Variants in PYROXD2 observed in about 807,000 individuals in gnomAD.
PYROXD2 encodes pyridine nucleotide-disulphide oxidoreductase domain 2.
Under a neutral mutation model 71.1 loss-of-function variants are expected in PYROXD2, and 69 were observed. The ratio of observed to expected loss-of-function variants is 0.97; its 90% CI spans 0.80 to 1.19. The LOEUF (loss-of-function observed/expected upper bound fraction) is 1.19, where lower values mean the gene tolerates loss of function less well. PYROXD2 is among the 50% of genes most tolerant of loss of function. The pLI, the probability that PYROXD2 is intolerant of heterozygous loss-of-function variation, is 0.00. For missense variants in PYROXD2, 745 were observed against 748.9 expected (o/e 0.99, Z 0.06); for synonymous variants, 287 against 302.7 (o/e 0.95, Z 0.54).
At position 98,387,327 on chromosome 10, in the gene PYROXD2, G is replaced by A; in HGVS notation, c.1448-20C>T. On this transcript the variant is annotated intron_variant, in intron 13 of 15. Coordinates refer to ENST00000370575, the MANE Select transcript of PYROXD2 (RefSeq NM_032709.3). ...CAAACACTGGGGTGCCAAAAACAGA[G>A]AAATGAGATGGTGTTAGGAAGAAGA... 6.4e-7 allele frequency: 1 copy of A among 1,571,892 alleles called. No homozygotes were observed. Among genetic ancestry groups the A allele is most frequent in the Non-Finnish European group, 8.8e-7 (1 of 1,142,486 alleles).
intron 12 of PYROXD2, 91 bp downstream of exon 12, chr10:98,390,507 G>A: frequency 7.1e-7 from 1 of 1,413,742 alleles, no homozygotes; most frequent in Non-Finnish European, 9.5e-7. Context: ...TTGAACACCA[G>A]GCCTGATCCC....
rs1026448817 is a variant in PYROXD2 at position 98,387,406 on chromosome 10, A to C, written c.1448-99T>G. 7 of 769,158 alleles carry C rather than the reference A, an allele frequency of 9.1e-6. No homozygotes were observed. In the African/African-American group the frequency reaches 1.2e-4, roughly 14 times the overall value. The allele number at this position is 769,158 out of a possible 1,614,324, so 47.6% of individuals were successfully genotyped here. A position where few individuals can be genotyped will look rare whatever the true frequency, so the allele number is the denominator to read the frequency against. On this transcript the variant is annotated intron_variant, in intron 13 of 15. Transcript: ENST00000370575. Reference sequence around the variant, plus strand: ...AATTTACTAACAGTCATTAAATTACACACAGAAATGGGCTTATTTTATCAT... The same window carrying C: ...AATTTACTAACAGTCATTAAATTACCCACAGAAATGGGCTTATTTTATCAT...
intron 5 of PYROXD2, among the ~76,000 whole-genome samples, chr10:98,399,576 T>C (rs1843317730): frequency 1.3e-5 from 2 of 152,218 alleles, no homozygotes; most frequent in Admixed American, 1.3e-4. Flanking sequence ...CTGCACACCA[T>C]CATGGACACT....
intron 4 of PYROXD2, among the ~76,000 whole-genome samples, chr10:98,401,267 C>A (rs11189594): frequency 0.41 from 50,536 of 124,724 alleles, 12,058 homozygotes; most frequent in African/African-American, 0.61. Flanking sequence ...AAAAAAAAAA[C>A]AAAAAAAAAC....
intron 8 of PYROXD2, among the ~76,000 whole-genome samples, chr10:98,393,845 C>A (rs747797085): frequency 1.3e-5 from 2 of 152,120 alleles, no homozygotes; most frequent in Non-Finnish European, 2.9e-5. Flanking sequence ...CTCATCCTGT[C>A]CCCCTATCCA....
At chr10:98,413,722 A>G (rs1843868201) in intron 1 of PYROXD2, among the ~76,000 whole-genome samples, 1 of 152,178 alleles carries the variant, frequency 6.6e-6, no homozygotes, top group Non-Finnish European at 1.5e-5. Flanking sequence ...TCAATAAATG[A>G]ATAAATAAAT....
chr10:98,388,831 G>A (rs1431097347), intron 12 of PYROXD2, among the ~76,000 whole-genome samples: 2 of 151,976 alleles, frequency 1.3e-5, no homozygotes, highest in East Asian at 1.9e-4. Context: ...TGTGGAAAGG[G>A]GCCAGGCCTA....
intron 14 of PYROXD2, among the ~76,000 whole-genome samples, 187 bp from the exon 15 acceptor site, chr10:98,385,254 A>C (rs1842714041): frequency 6.6e-6 from 1 of 152,234 alleles, no homozygotes; most frequent in African/African-American, 2.4e-5. Flanking sequence ...GCTGGGAGTG[A>C]AGTTTTCCAG....
chr10:98,414,886 T>C, intron 1 of PYROXD2, 123 bp downstream of exon 1: 1 of 1,409,694 alleles, frequency 7.1e-7, no homozygotes. Context: ...TATAAACTTC[T>C]GGCTGGGTTA....
rs1842663357 is a variant in PYROXD2 at position 98,383,818 on chromosome 10, T to C, written c.1726A>G (p.Arg576Gly). 2 of 1,613,918 alleles carry C rather than the reference T, an allele frequency of 1.2e-6. No homozygotes were observed. Among genetic ancestry groups the C allele is most frequent in the Non-Finnish European group, 1.7e-6 (2 of 1,179,964 alleles). The part of the protein sequence containing the change: ...AGRNAAHVAF[R>G]DLKSM ...CAGGGTCACATGCTCTTGAGGTCCC[T>C]AAAGGCCACATGTGCTGCATTTCGC... Residue 576 changes from arginine to glycine, a missense_variant, in exon 16 of 16, where the codon AGG (arginine) becomes GGG (glycine). By Grantham distance (125) the Arg-to-Gly change is moderately radical. Transcript: ENST00000370575.
intron 9 of PYROXD2, 122 bp downstream of exon 9, chr10:98,392,820 T>C: frequency 1.6e-6 from 2 of 1,245,576 alleles, no homozygotes; most frequent in Non-Finnish European, 1.1e-6. Context: ...CTCTTGATTC[T>C]GCAACCCATC....
intron 13 of PYROXD2, 167 bp downstream of exon 13, chr10:98,388,187 T>A: frequency 1.5e-6 from 1 of 663,908 alleles, no homozygotes; most frequent in Admixed American, 2.5e-5. Flanking sequence ...GCCCAGTTCC[T>A]GACCCCTGCA....
chr10:98,402,527 A>G (rs1843449545), intron 4 of PYROXD2, among the ~76,000 whole-genome samples: 1 of 152,200 alleles, frequency 6.6e-6, no homozygotes, highest in African/African-American at 2.4e-5. Context: ...ATATGATTTG[A>G]TTTACAAATA....
At chr10:98,399,008 G>A (rs1357916538) in intron 5 of PYROXD2, among the ~76,000 whole-genome samples, 1 of 152,158 alleles carries the variant, frequency 6.6e-6, no homozygotes, top group East Asian at 1.9e-4. Flanking sequence ...GGGCATGGTG[G>A]TGAATGCCTG....
Position 98,395,299 on chromosome 10 carries a change from C to A in PYROXD2, c.688-6G>T. 6.2e-7 allele frequency: 1 copy of A among 1,614,156 alleles called. No homozygotes were observed. The highest frequency in any genetic ancestry group is 8.5e-7 in the Non-Finnish European group (1 of 1,180,010). On this transcript the variant is annotated splice_region_variant and splice_polypyrimidine_tract_variant and intron_variant, in intron 7 of 15. Transcript: ENST00000370575. ...TCGAACCACTGATCCAGCACCTGGACAGCACAACAGCAGAGAGAAGGGCTT... is the reference window on the plus strand; with the variant it reads ...TCGAACCACTGATCCAGCACCTGGAAAGCACAACAGCAGAGAGAAGGGCTT...
rs941231357 is a variant in PYROXD2 at position 98,397,431 on chromosome 10, G to A, written c.539C>T (p.Ala180Val). 1 of 1,613,384 alleles carries A rather than the reference G, an allele frequency of 6.2e-7. No individual in the cohort carries two copies. Among genetic ancestry groups the A allele is most frequent in the Admixed American group, 1.7e-5 (1 of 59,964 alleles). ...ALAIDPLLDA[A>V]PVDMAAFQHG... ...CTGGAAGGCCGCCATGTCCACGGGG[G>A]CCGCATCCAGCAGAGGGTCAATGGC... The change falls in exon 6 of 16, where the codon GCC becomes GTC. Residue 180 changes from alanine (A) to valine (V), a missense_variant. Physicochemically the swap from Ala to Val is moderately conservative, Grantham distance 64. Transcript: ENST00000370575.
In PYROXD2 at chr10:98,383,851, C is replaced by G. The variant is rs189508421; in HGVS notation, c.1693G>C (p.Ala565Pro). The G allele has an allele frequency of 6.2e-7, 1 of 1,614,064 alleles. No homozygotes were observed. The highest frequency in any genetic ancestry group is 2.2e-5 in the East Asian group (1 of 44,870). The change falls in exon 16 of 16, where the codon GCT becomes CCT. Residue 565 changes from alanine to proline, a missense_variant. By Grantham distance (27) the Ala-to-Pro change is conservative. Transcript: ENST00000370575. Reference protein sequence around the residue: ...GAHPGGGVMGAAGRNAAHVAF... With the variant: ...GAHPGGGVMGPAGRNAAHVAF... ...ACATGTGCTGCATTTCGCCCAGCAG[C>G]TCCCATCACACCTCCTCCTGGAAGG...
At chr10:98,407,516 C>T (rs1843638659) in intron 4 of PYROXD2, 66 bp downstream of exon 4, 1 of 1,590,450 alleles carries the variant, frequency 6.3e-7, no homozygotes, top group Non-Finnish European at 8.5e-7. Context: ...AGGGACCCCC[C>T]ACACAGGTTG....
In PYROXD2 at chr10:98,415,102, C is replaced by T; in HGVS notation, c.34G>A (p.Val12Met). ...CACGCCGGGAAGGGAGAGGCGGCCA[C>T]AGCCTTGCAGAGACCTCGGCCACTT... ...AASGRGLCKA[V>M]AASPFPAWRR... Residue 12 changes from valine to methionine, a missense_variant, in exon 1 of 16, where the codon GTG (valine) becomes ATG (methionine). Coordinates refer to ENST00000370575, the MANE Select transcript of PYROXD2 (RefSeq NM_032709.3). The T allele has an allele frequency of 6.2e-7, 1 of 1,613,864 alleles. No individual in the cohort carries two copies. The highest frequency in any genetic ancestry group is 8.5e-7 in the Non-Finnish European group (1 of 1,179,904).
Sources: allele counts gnomAD v4.1 joint callset (sites outside exome capture counted in the v4.1 genomes callset), GRCh38; gene constraint gnomAD v4.1.1; transcripts MANE v1.5; gene names NCBI Gene and HGNC (gene_info 2026-07-23, HGNC 2026-07-21).